The following SERPINB10 variants were observed in gnomAD, a reference collection of about 807,000 sequenced individuals.
The protein encoded by SERPINB10 is serpin B10.
SERPINB10 carries 35 observed loss-of-function variants against 39.1 expected under a neutral mutation model. The observed-to-expected ratio is 0.90, with a 90% CI of 0.68 to 1.19. The LOEUF (loss-of-function observed/expected upper bound fraction) is 1.19, where lower values mean the gene tolerates loss of function less well. Among genes scored for constraint, SERPINB10 ranks in the 50% most tolerant of loss-of-function variants. The pLI is 0.00. For missense variants in SERPINB10, 546 were observed against 460.5 expected (o/e 1.19, Z -1.70); for synonymous variants, 190 against 158.1 (o/e 1.20, Z -1.52).
Position 63,917,500 on chromosome 18 carries a change from A to G in SERPINB10, c.213A>G (p.Glu71=), listed in dbSNP as rs1263852860. 3 of 1,579,284 alleles carry G rather than the reference A, an allele frequency of 1.9e-6. No homozygotes were observed. ...ACCAGGGAGTCAAATGTGACCCTGA[A>G]AGTGAAAAAAAAAGGAAAATGGTAT... ...NRDQGVKCDP[E]SEKKRKMEFN... Residue 71 remains glutamate, a synonymous_variant, in exon 3 of 8, where the codon GAA becomes GAG. Coordinates refer to ENST00000238508, the MANE Select transcript of SERPINB10 (RefSeq NM_005024.3).
At chr18:63,913,518 C>T (rs2050079915) in intron 1 of SERPINB10, among the ~76,000 whole-genome samples, 1 of 152,084 alleles carries the variant, frequency 6.6e-6, no homozygotes, top group Non-Finnish European at 1.5e-5. Context: ...GCGGTAATTT[C>T]ATTGTTTACC....
chr18:63,915,438 T>G, intron 1 of SERPINB10, 64 bp from the exon 2 acceptor site: 1 of 1,243,254 alleles, frequency 8.0e-7, no homozygotes, highest in Non-Finnish European at 1.1e-6. Context: ...AATACATATT[T>G]TTTCAAAGGT....
chr18:63,929,497 G>A (rs2050204098), intron 5 of SERPINB10, among the ~76,000 whole-genome samples: 2 of 151,924 alleles, frequency 1.3e-5, no homozygotes, highest in South Asian at 2.1e-4. Context: ...CAGAGAAAAA[G>A]AAGGACATTT....
At chr18:63,916,231 C>T (rs895801177) in intron 2 of SERPINB10, among the ~76,000 whole-genome samples, 29 of 145,888 alleles carry the variant, frequency 2.0e-4, no homozygotes, top group African/African-American at 4.9e-4. Context: ...AAACATTGTG[C>T]GTATGTAAAT....
chr18:63,911,957 G>GTT (rs35542526), intron 1 of SERPINB10, among the ~76,000 whole-genome samples: 117 of 150,722 alleles, frequency 7.8e-4, no homozygotes, highest in Middle Eastern at 3.4e-3. Flanking sequence ...TTTTAGCAGT[G>GTT]TTTTTTTTTA....
chr18:63,931,904 C>A (rs913475674), intron 6 of SERPINB10, among the ~76,000 whole-genome samples: 1 of 152,188 alleles, frequency 6.6e-6, no homozygotes, highest in Non-Finnish European at 1.5e-5. Flanking sequence ...GTGCCCTGTG[C>A]TTCACCTGTT....
At chr18:63,917,831 C>T in intron 3 of SERPINB10, 134 bp from the exon 4 acceptor site, 5 of 764,406 alleles carry the variant, frequency 6.5e-6, no homozygotes, top group Non-Finnish European at 8.2e-6. Flanking sequence ...CTAAAGAAAA[C>T]ATTTTTATCC....
chr18:63,913,227 C>G (rs1484990375), intron 1 of SERPINB10, among the ~76,000 whole-genome samples: 1 of 151,774 alleles, frequency 6.6e-6, no homozygotes, highest in East Asian at 1.9e-4. Context: ...AAAAAACCAA[C>G]TTTTGGTTTT....
In SERPINB10 at chr18:63,917,427, A is replaced by G. The variant is rs748008821; in HGVS notation, c.169-29A>G. 12 of 1,352,294 alleles carry G rather than the reference A, an allele frequency of 8.9e-6. No homozygotes were observed. The Admixed American group carries it at 2.1e-4, about 24-fold the overall frequency. The allele number at this position is 1,352,294 out of a possible 1,614,324, so 83.8% of individuals were successfully genotyped here. A position where few individuals can be genotyped will look rare whatever the true frequency, so the allele number is the denominator to read the frequency against. ...TTATATAATTACTTCTCTGCAGTCT[A>G]TTCATTTGTATTTTTATTGAAATTA... On this transcript the variant is annotated intron_variant, in intron 2 of 7. Coordinates refer to ENST00000238508, the MANE Select transcript of SERPINB10 (RefSeq NM_005024.3).
At chr18:63,917,708 CT>C (rs1433008623) in intron 3 of SERPINB10, among the ~76,000 whole-genome samples, 187 bp downstream of exon 3, 1 of 151,970 alleles carries the variant, frequency 6.6e-6, no homozygotes, top group African/African-American at 2.4e-5. Context: ...TCCCCACGCC[CT>C]TTTAATCTCT....
At chr18:63,929,712 C>CAAAAAAAAAAAAGAAAA (rs2050205949) in intron 5 of SERPINB10, among the ~76,000 whole-genome samples, 1 of 97,348 alleles carries the variant, frequency 1.0e-5, no homozygotes, top group Admixed American at 1.0e-4. Context: ...AGCTAAAGTG[C>CAAAAAAAAAAAAGAAAA]AAAAAAAAAA....
intron 1 of SERPINB10, among the ~76,000 whole-genome samples, chr18:63,910,030 G>T (rs2050052540): frequency 2.0e-5 from 3 of 152,068 alleles, no homozygotes; most frequent in South Asian, 2.1e-4. Context: ...TTAGAGGTGG[G>T]GAAGCTGTTT....
intron 1 of SERPINB10, among the ~76,000 whole-genome samples, chr18:63,910,762 G>C (rs1262177775): frequency 2.4e-5 from 2 of 83,540 alleles, no homozygotes; most frequent in Non-Finnish European, 2.3e-5. Flanking sequence ...ATGAACACTT[G>C]TGTGTGTGTG....
chr18:63,929,729 A>G (rs1405679124), intron 5 of SERPINB10, among the ~76,000 whole-genome samples: 14 of 88,520 alleles, frequency 1.6e-4, no homozygotes, highest in East Asian at 6.2e-4. Context: ...AAAAAAAAAA[A>G]AAAAGAAAAA....
At chr18:63,909,932 C>CT (rs894935168) in intron 1 of SERPINB10, among the ~76,000 whole-genome samples, 4 of 151,948 alleles carry the variant, frequency 2.6e-5, no homozygotes, top group African/African-American at 9.7e-5. Flanking sequence ...GATCTACAGT[C>CT]TTTTTTGTTT....
At chr18:63,931,645 C>T (rs1454328159) in intron 6 of SERPINB10, among the ~76,000 whole-genome samples, 1 of 152,086 alleles carries the variant, frequency 6.6e-6, no homozygotes, top group African/African-American at 2.4e-5. Flanking sequence ...AAATTGTGCA[C>T]GAAGTATAGG....
intron 1 of SERPINB10, among the ~76,000 whole-genome samples, chr18:63,909,261 A>C (rs185150597): frequency 6.6e-6 from 1 of 151,942 alleles, no homozygotes; most frequent in African/African-American, 2.4e-5. Flanking sequence ...AATTTTGAAA[A>C]TAACCTGGTA....
chr18:63,935,068 T>G lies in SERPINB10; in HGVS notation c.1020T>G (p.Ala340=). 1.2e-6 allele frequency: 2 copies of G among 1,614,204 alleles called. No homozygotes were observed. Among genetic ancestry groups the G allele is most frequent in the South Asian group, 2.2e-5 (2 of 91,074 alleles). Residue 340 remains alanine (A), a synonymous_variant, in exon 8 of 8, where the codon GCT becomes GCG. Coordinates refer to ENST00000238508, the MANE Select transcript of SERPINB10 (RefSeq NM_005024.3). ...NLFLSNVFHK[A]FVEINEQGTE... Reference sequence around the variant, plus strand: ...TTTTGTCCAATGTTTTCCATAAGGCTTTTGTGGAAATAAATGAACAAGGTA... The same window carrying G: ...TTTTGTCCAATGTTTTCCATAAGGCGTTTGTGGAAATAAATGAACAAGGTA...
intron 5 of SERPINB10, among the ~76,000 whole-genome samples, chr18:63,923,912 T>C (rs79988000): frequency 0.048 from 7,284 of 152,094 alleles, 628 homozygotes; most frequent in African/African-American, 0.17. Context: ...AAGAGTTTTA[T>C]TTCCACAGTT....
Sources: gnomAD v4.1 joint callset for allele counts (sites outside exome capture counted in the v4.1 genomes callset) on GRCh38, gnomAD v4.1.1 for gene constraint, MANE v1.5 for transcripts, NCBI Gene and HGNC (gene_info 2026-07-23, HGNC 2026-07-21) for gene names.